OTULIN: variants seen among roughly 807,000 people sequenced by gnomAD.
OTULIN encodes ubiquitin thioesterase otulin.
OTULIN carries 15 observed loss-of-function variants against 39.6 expected under a neutral mutation model. The observed-to-expected ratio is 0.38, with a 90% CI of 0.25 to 0.58. The LOEUF (loss-of-function observed/expected upper bound fraction) is 0.58. Ranked by LOEUF, OTULIN falls within the 20% of genes least tolerant of loss-of-function variation. OTULIN has a pLI of 0.66. For synonymous variants in OTULIN, 156 were observed against 170.3 expected, an observed-to-expected ratio of 0.92 and a Z score of 0.65; for missense variants, 319 against 445.9, an observed-to-expected ratio of 0.72 and a Z score of 2.56.
At chr5:14,669,625 T>C (rs1419002716) in intron 1 of OTULIN, among the ~76,000 whole-genome samples, 1 of 152,010 alleles carries the variant, frequency 6.6e-6, no homozygotes, top group Admixed American at 6.5e-5. Context: ...TTTTAAAAAT[T>C]AGCCAGATGT....
intron 1 of OTULIN, among the ~76,000 whole-genome samples, chr5:14,672,859 G>A (rs961216405): frequency 2.0e-5 from 3 of 152,154 alleles, no homozygotes; most frequent in African/African-American, 7.2e-5. Context: ...ATAGAATTTG[G>A]GTTTCTGTTT....
rs115268069 is a variant in OTULIN at position 14,679,865 on chromosome 5, A to G, written c.324+1090A>G. On this transcript the variant is annotated intron_variant, in intron 3 of 6. Transcript: ENST00000284274. ...CAATTATGAAAAACCTGGAATTCTT[A>G]GTTCCTGCCAGAGGTTAAGAACATT... Among the ~76,000 whole-genome samples, 742 of 152,286 alleles carry G rather than the reference A, an allele frequency of 4.9e-3. 7 individuals carry two copies. Among genetic ancestry groups the G allele is most frequent in the African/African-American group, 0.017 (693 of 41,554 alleles).
the OTULIN span, among the ~76,000 whole-genome samples, chr5:14,715,172 C>T: frequency 5.9e-5 from 9 of 152,122 alleles, no homozygotes; most frequent in Non-Finnish European, 1.2e-4. Context: ...ACTCTTATTG[C>T]AGAGGCTGGA....
chr5:14,666,823 T>C (rs946554717), intron 1 of OTULIN, among the ~76,000 whole-genome samples: 1 of 152,218 alleles, frequency 6.6e-6, no homozygotes, highest in African/African-American at 2.4e-5. Flanking sequence ...CTCGGCAGTA[T>C]CTGGGTAGTG....
intron 2 of OTULIN, among the ~76,000 whole-genome samples, chr5:14,674,546 A>G (rs965764274): frequency 1.3e-5 from 2 of 152,354 alleles, no homozygotes; most frequent in Non-Finnish European, 2.9e-5. Context: ...GCTTGAGTCC[A>G]GGAGTTCGAG....
intron 4 of OTULIN, among the ~76,000 whole-genome samples, chr5:14,682,898 A>T (rs998692923): frequency 2.0e-5 from 3 of 152,316 alleles, no homozygotes; most frequent in African/African-American, 7.2e-5. Context: ...TGTGGCCAGG[A>T]TGCTTCTTCA....
At chr5:14,678,811 A>T in intron 3 of OTULIN, 36 bp downstream of exon 3, 1 of 1,394,242 alleles carries the variant, frequency 7.2e-7, no homozygotes, top group Non-Finnish European at 9.9e-7. Flanking sequence ...CAGGTCTTTC[A>T]AATAGTCTAT....
At chr5:14,689,771 C>T (rs922665005) in intron 5 of OTULIN, among the ~76,000 whole-genome samples, 5 of 152,276 alleles carry the variant, frequency 3.3e-5, no homozygotes, top group Admixed American at 2.6e-4. Context: ...ATCTCATTGC[C>T]TGGGAAGTTA....
chr5:14,674,428 A>T (rs1736052099), intron 2 of OTULIN, among the ~76,000 whole-genome samples: 1 of 152,246 alleles, frequency 6.6e-6, no homozygotes, highest in African/African-American at 2.4e-5. Context: ...GTAATGTATA[A>T]GGAGACTTCA....
intron 6 of OTULIN, among the ~76,000 whole-genome samples, chr5:14,691,134 G>C (rs1022383540): frequency 7.9e-5 from 12 of 152,142 alleles, no homozygotes; most frequent in African/African-American, 2.9e-4. Flanking sequence ...TGCTATCTTT[G>C]ATGTGTTCAT....
chr5:14,672,236 T>C (rs1048206530), intron 1 of OTULIN, among the ~76,000 whole-genome samples: 1 of 152,140 alleles, frequency 6.6e-6, no homozygotes, highest in African/African-American at 2.4e-5. Flanking sequence ...GTGTGAGTAA[T>C]GCATAGGGAA....
At chr5:14,688,819 A>G (rs1357539241) in intron 5 of OTULIN, among the ~76,000 whole-genome samples, 1 of 152,178 alleles carries the variant, frequency 6.6e-6, no homozygotes, top group East Asian at 1.9e-4. Context: ...AGGGCCCTTC[A>G]GCGCAACCAC....
chr5:14,692,689 T>TA (rs1224896415), intron 6 of OTULIN, among the ~76,000 whole-genome samples, 165 bp from the exon 7 acceptor site: 1 of 151,798 alleles, frequency 6.6e-6, no homozygotes, highest in East Asian at 1.9e-4. Context: ...CTTTTTTTTT[T>TA]TTTTTATTTA....
Position 14,664,755 on chromosome 5 carries a change from C to G in OTULIN, c.-71C>G. On this transcript the variant is annotated 5_prime_UTR_variant, in exon 1 of 7. Transcript: ENST00000284274. ...GGCGGCTGAGAGGCTGCGGCCACTG[C>G]CTGGCACCCCGACGGGAGGGGCTCC... is the stretch of plus-strand genomic sequence containing the variant. 1.8e-6 allele frequency: 2 copies of G among 1,096,212 alleles called. No homozygotes were observed. Among genetic ancestry groups the G allele is most frequent in the Middle Eastern group, 4.0e-4 (1 of 2,484 alleles). The allele number at this position is 1,096,212 out of a possible 1,614,324, so 67.9% of individuals were successfully genotyped here.
At chr5:14,669,496 G>T (rs1735929933) in intron 1 of OTULIN, among the ~76,000 whole-genome samples, 1 of 152,188 alleles carries the variant, frequency 6.6e-6, no homozygotes, top group African/African-American at 2.4e-5. Context: ...TTTAGGCTGA[G>T]CACGGTGGCT....
chr5:14,678,801 C>A, intron 3 of OTULIN, 26 bp downstream of exon 3: 1 of 1,475,512 alleles, frequency 6.8e-7, no homozygotes, highest in South Asian at 1.3e-5. Context: ...GCACATATTT[C>A]AGGTCTTTCA....
At chr5:14,665,856 G>A (rs1167886063) in intron 1 of OTULIN, among the ~76,000 whole-genome samples, 1 of 152,198 alleles carries the variant, frequency 6.6e-6, no homozygotes, top group African/African-American at 2.4e-5. Flanking sequence ...TATTTGCATA[G>A]TACTTAGACA....
At position 14,664,909 on chromosome 5, in the gene OTULIN, G is replaced by A. The variant is rs1735790625; in HGVS notation, c.84G>A (p.Thr28=). 3 of 1,179,868 alleles carry A rather than the reference G, an allele frequency of 2.5e-6. No homozygotes were observed. Among genetic ancestry groups the A allele is most frequent in the Non-Finnish European group, 3.1e-6 (3 of 955,240 alleles). The allele number at this position is 1,179,868 out of a possible 1,614,324, so 73.1% of individuals were successfully genotyped here. A position where few individuals can be genotyped will look rare whatever the true frequency, so the allele number is the denominator to read the frequency against. The change falls in exon 1 of 7, where the codon ACG becomes ACA. Residue 28 remains threonine (T), a synonymous_variant. Transcript: ENST00000284274. ...AETPAREAAA[T]ARDGGKAAAS... ...CGCCGGCGCGGGAGGCGGCGGCCACGGCGCGGGACGGCGGGAAGGCGGCGG... is the reference window on the plus strand; with the variant it reads ...CGCCGGCGCGGGAGGCGGCGGCCACAGCGCGGGACGGCGGGAAGGCGGCGG...
At chr5:14,707,533 G>A in the OTULIN span, 1 of 152,166 alleles carries the variant, frequency 6.6e-6, no homozygotes, top group Non-Finnish European at 1.5e-5. Context: ...GATCCAGAGG[G>A]CTGGGAGTGA....
Sources: gnomAD v4.1 joint callset for allele counts (sites outside exome capture counted in the v4.1 genomes callset) on GRCh38, gnomAD v4.1.1 for gene constraint, MANE v1.5 for transcripts, NCBI Gene and HGNC (gene_info 2026-07-23, HGNC 2026-07-21) for gene names.